Variants in LARGE1 observed in about 807,000 individuals in gnomAD.
LARGE1 encodes xylosyl- and glucuronyltransferase LARGE1.
LARGE1 carries 43 observed loss-of-function variants against 87.6 expected under a neutral mutation model. The ratio of observed to expected loss-of-function variants is 0.49; its 90% CI spans 0.38 to 0.63. LARGE1 has a LOEUF of 0.63. Ranked by LOEUF, LARGE1 falls within the 30% of genes least tolerant of loss-of-function variation. LARGE1 has a pLI of 0.00. For synonymous variants in LARGE1, 434 were observed against 394.6 expected (o/e 1.10, Z -1.18); for missense variants, 802 against 1,000.2 (o/e 0.80, Z 2.67).
chr22:33,504,257 G>A (rs1258637921), intron 6 of LARGE1, among the ~76,000 whole-genome samples: 1 of 152,074 alleles, frequency 6.6e-6, no homozygotes, highest in African/African-American at 2.4e-5. Flanking sequence ...ACAAATGGGT[G>A]AATTTTTATT....
At chr22:33,759,325 C>T (rs919802896) in intron 2 of LARGE1, among the ~76,000 whole-genome samples, 1 of 152,192 alleles carries the variant, frequency 6.6e-6, no homozygotes, top group African/African-American at 2.4e-5. Context: ...AAATCCCTGA[C>T]CAAAGTTCAA....
chr22:33,626,223 C>T, intron 4 of LARGE1, 21 bp downstream of exon 4: 3 of 1,608,330 alleles, frequency 1.9e-6, no homozygotes, highest in Non-Finnish European at 2.6e-6. Flanking sequence ...TCAGCCCACA[C>T]AGCACAGAAG....
chr22:33,301,309 T>C (rs1008707867), intron 12 of LARGE1, among the ~76,000 whole-genome samples: 3 of 152,118 alleles, frequency 2.0e-5, no homozygotes, highest in African/African-American at 7.2e-5. Flanking sequence ...CATAAATACT[T>C]TGGTGCCTAG....
intron 1 of LARGE1, among the ~76,000 whole-genome samples, chr22:33,843,600 C>T (rs2063345242): frequency 6.6e-6 from 1 of 152,008 alleles, no homozygotes; most frequent in African/African-American, 2.4e-5. Flanking sequence ...CCACCATCCT[C>T]TCCAGAGGTC....
At chr22:33,529,978 A>C (rs2072114669) in intron 6 of LARGE1, among the ~76,000 whole-genome samples, 1 of 152,224 alleles carries the variant, frequency 6.6e-6, no homozygotes, top group Non-Finnish European at 1.5e-5. Flanking sequence ...TCCTCAGGGA[A>C]TAACTCATAA....
At chr22:33,455,871 T>C (rs1305446269) in intron 6 of LARGE1, among the ~76,000 whole-genome samples, 1 of 152,134 alleles carries the variant, frequency 6.6e-6, no homozygotes, top group African/African-American at 2.4e-5. Flanking sequence ...AATACTAACT[T>C]TGCTTTAAGT....
chr22:33,392,308 T>C (rs1375320984), intron 7 of LARGE1, among the ~76,000 whole-genome samples: 4 of 152,146 alleles, frequency 2.6e-5, no homozygotes, highest in Non-Finnish European at 5.9e-5. Context: ...CCTCAGATCC[T>C]TATTTGTAAT....
chr22:33,470,764 A>G (rs1211663461), intron 6 of LARGE1, among the ~76,000 whole-genome samples: 3 of 152,206 alleles, frequency 2.0e-5, no homozygotes, highest in Non-Finnish European at 2.9e-5. Context: ...GGCCCACACC[A>G]TCTAAGGTTT....
At chr22:33,857,943 T>C (rs181095340) in intron 1 of LARGE1, among the ~76,000 whole-genome samples, 1 of 152,264 alleles carries the variant, frequency 6.6e-6, no homozygotes, top group East Asian at 1.9e-4. Context: ...CCCAAGATCG[T>C]GGCGGGCCGC....
chr22:33,838,812 T>C (rs2063185056), intron 1 of LARGE1, among the ~76,000 whole-genome samples: 5 of 152,228 alleles, frequency 3.3e-5, no homozygotes, highest in Middle Eastern at 3.4e-3. Context: ...GTCTCCCTGA[T>C]TGTGTCTGCA....
chr22:33,624,091 A>G (rs936047595), intron 4 of LARGE1, among the ~76,000 whole-genome samples: 5 of 152,242 alleles, frequency 3.3e-5, no homozygotes, highest in Non-Finnish European at 7.3e-5. Context: ...TCACTCAGCA[A>G]TATAGTGTCA....
At chr22:33,764,885 G>A (rs1167646541) in intron 1 of LARGE1, among the ~76,000 whole-genome samples, 1 of 152,158 alleles carries the variant, frequency 6.6e-6, no homozygotes, top group Non-Finnish European at 1.5e-5. Context: ...CAGTACAGTT[G>A]CAACCATCCG....
chr22:33,451,536 A>G (rs2067920629), intron 6 of LARGE1, among the ~76,000 whole-genome samples: 1 of 150,806 alleles, frequency 6.6e-6, no homozygotes, highest in Non-Finnish European at 1.5e-5. Flanking sequence ...CGAGTCCCCA[A>G]AATCCACTCT....
At chr22:33,194,463 G>A (rs1416656874) in intron 11 of LARGE1, among the ~76,000 whole-genome samples, 1 of 152,070 alleles carries the variant, frequency 6.6e-6, no homozygotes, top group Non-Finnish European at 1.5e-5. Context: ...TGATTTTCAA[G>A]GTTTAGAGAT....
intron 6 of LARGE1, among the ~76,000 whole-genome samples, chr22:33,529,217 C>T (rs150775870): frequency 6.6e-6 from 1 of 152,276 alleles, no homozygotes; most frequent in Non-Finnish European, 1.5e-5. Context: ...CCTCTCTAAT[C>T]CCTGGCTCAT....
intron 11 of LARGE1, among the ~76,000 whole-genome samples, chr22:33,213,729 T>C (rs1358060895): frequency 1.3e-5 from 2 of 152,244 alleles, no homozygotes; most frequent in East Asian, 3.8e-4. Context: ...TATAATGCAA[T>C]TGCAAACTAA....
At chr22:33,771,797 A>C (rs2085075671) in intron 1 of LARGE1, among the ~76,000 whole-genome samples, 1 of 152,296 alleles carries the variant, frequency 6.6e-6, no homozygotes, top group South Asian at 2.1e-4. Context: ...CCTGCTCCAG[A>C]AAGGGCAACA....
intron 2 of LARGE1, among the ~76,000 whole-genome samples, chr22:33,674,580 C>T (rs1232224716): frequency 6.6e-6 from 1 of 152,200 alleles, no homozygotes; most frequent in Non-Finnish European, 1.5e-5. Flanking sequence ...GGCACTCCCA[C>T]TCTCAGTGCC....
intron 5 of LARGE1, among the ~76,000 whole-genome samples, chr22:33,580,638 C>G (rs1602544873): frequency 6.6e-6 from 1 of 152,026 alleles, no homozygotes; most frequent in Non-Finnish European, 1.5e-5. Context: ...GAGGGTGGGA[C>G]TTATGTATAT....
Sources: allele counts gnomAD v4.1 joint callset (sites outside exome capture counted in the v4.1 genomes callset), GRCh38; gene constraint gnomAD v4.1.1; transcripts MANE v1.5; gene names NCBI Gene and HGNC (gene_info 2026-07-23, HGNC 2026-07-21).